The following LGSN variants were observed in gnomAD, a reference collection of about 807,000 sequenced individuals.
LGSN encodes lengsin, lens protein with glutamine synthetase domain, also known as lengsin.
A neutral mutation model predicts 19.5 loss-of-function variants in LGSN; 21 were observed. The ratio of observed to expected loss-of-function variants is 1.07; its 90% CI spans 0.76 to 1.55. LGSN has a LOEUF of 1.55. LGSN is among the 40% of genes most tolerant of loss of function. The pLI is 0.00. For missense variants in LGSN, 673 were observed against 608.5 expected, an observed-to-expected ratio of 1.11 and a Z score of -1.12; for synonymous variants, 257 against 215.6, an observed-to-expected ratio of 1.19 and a Z score of -1.68.
At chr6:63,347,428 G>T in the LGSN span, among the ~76,000 whole-genome samples, 1,409 of 152,180 alleles carry the variant, frequency 9.3e-3, 12 homozygotes, top group African/African-American at 0.031. Context: ...TATTGATTTA[G>T]GTCTTCTTTG....
the LGSN span, among the ~76,000 whole-genome samples, chr6:63,407,963 A>T: frequency 6.6e-6 from 1 of 152,170 alleles, no homozygotes; most frequent in Non-Finnish European, 1.5e-5. Flanking sequence ...CTAGGAATCC[A>T]ACTTACAAGG....
At chr6:63,496,052 T>C in the LGSN span, among the ~76,000 whole-genome samples, 2 of 151,962 alleles carry the variant, frequency 1.3e-5, no homozygotes, top group Non-Finnish European at 2.9e-5. Flanking sequence ...TCAGCCTCCC[T>C]AGTAGCTGAG....
At chr6:63,498,998 T>G in the LGSN span, among the ~76,000 whole-genome samples, 1 of 152,134 alleles carries the variant, frequency 6.6e-6, no homozygotes, top group Non-Finnish European at 1.5e-5. Context: ...TACATTAAAT[T>G]ATCATATTGA....
At chr6:63,286,062 A>AGAG (rs1449511567) in intron 2 of LGSN, among the ~76,000 whole-genome samples, 6 of 152,258 alleles carry the variant, frequency 3.9e-5, no homozygotes. Context: ...TATGGAAATT[A>AGAG]GAACATATTT....
the LGSN span, among the ~76,000 whole-genome samples, chr6:63,330,012 C>T: frequency 6.6e-6 from 1 of 152,142 alleles, no homozygotes; most frequent in Non-Finnish European, 1.5e-5. Context: ...GTTAAACATA[C>T]CCGGGGCTCA....
the LGSN span, among the ~76,000 whole-genome samples, chr6:63,511,926 T>G: frequency 2.0e-5 from 3 of 152,120 alleles, no homozygotes; most frequent in Non-Finnish European, 4.4e-5. Flanking sequence ...AAAAAATTAA[T>G]AATTCCCTAG....
At chr6:63,378,039 A>T in the LGSN span, among the ~76,000 whole-genome samples, 1 of 151,486 alleles carries the variant, frequency 6.6e-6, no homozygotes, top group East Asian at 1.9e-4. Flanking sequence ...TTTTTGAAAA[A>T]AAAAAAAAAA....
chr6:63,489,289 T>A, the LGSN span, among the ~76,000 whole-genome samples: 3 of 152,206 alleles, frequency 2.0e-5, no homozygotes, highest in Admixed American at 1.3e-4. Flanking sequence ...CAATTTAAAT[T>A]TCTGCTGGAA....
At chr6:63,300,193 G>C (rs975984128) in intron 1 of LGSN, among the ~76,000 whole-genome samples, 1 of 152,182 alleles carries the variant, frequency 6.6e-6, no homozygotes, top group African/African-American at 2.4e-5. Context: ...GGATCCTCCA[G>C]ACATCCTTTT....
At chr6:63,290,704 C>T (rs375251500) in intron 2 of LGSN, among the ~76,000 whole-genome samples, 2 of 152,188 alleles carry the variant, frequency 1.3e-5, no homozygotes, top group Non-Finnish European at 2.9e-5. Context: ...ATATTTGCAA[C>T]CGTGTAGGCC....
At chr6:63,293,361 C>A (rs964105136) in intron 2 of LGSN, among the ~76,000 whole-genome samples, 1 of 152,180 alleles carries the variant, frequency 6.6e-6, no homozygotes, top group Non-Finnish European at 1.5e-5. Flanking sequence ...CCAATACACT[C>A]ATGTACCAAA....
the LGSN span, among the ~76,000 whole-genome samples, chr6:63,540,542 A>C: frequency 3.3e-5 from 5 of 151,908 alleles, no homozygotes; most frequent in Admixed American, 1.3e-4. Context: ...AATCGCTTGA[A>C]CCCAGGAGGC....
intron 1 of LGSN, among the ~76,000 whole-genome samples, chr6:63,300,627 C>G (rs1768146611): frequency 6.6e-6 from 1 of 152,232 alleles, no homozygotes; most frequent in South Asian, 2.1e-4. Flanking sequence ...GATCATGCCA[C>G]TGTACTCCAA....
chr6:63,512,980 C>T, the LGSN span, among the ~76,000 whole-genome samples: 1 of 152,186 alleles, frequency 6.6e-6, no homozygotes, highest in South Asian at 2.1e-4. Context: ...TCAGCAGCAA[C>T]TGACAGAATA....
In LGSN at chr6:63,280,292, A is replaced by G. The variant is rs1767243989; in HGVS notation, c.1259T>C (p.Leu420Pro). Residue 420 changes from leucine (L) to proline (P), a missense_variant, in exon 4 of 4, where the codon CTG (leucine) becomes CCG (proline). By Grantham distance (98) the Leu-to-Pro change is moderately conservative (BLOSUM62 -3). Transcript: ENST00000370657. ...GSATANPYLVLAATVAAGLDG... is the reference protein window; with the variant it reads ...GSATANPYLVPAATVAAGLDG... ...TAAGCCGGCAGCAACAGTTGCAGCC[A>G]GCACCAAGTAAGGGTTTGCTGTTGC... 6.2e-7 allele frequency: 1 copy of G among 1,614,144 alleles called. No individual in the cohort carries two copies. The highest frequency in any genetic ancestry group is 8.5e-7 in the Non-Finnish European group (1 of 1,180,058).
At chr6:63,326,771 C>T in the LGSN span, among the ~76,000 whole-genome samples, 1 of 152,356 alleles carries the variant, frequency 6.6e-6, no homozygotes, top group Admixed American at 6.5e-5. Context: ...AAGCCCACGC[C>T]CACCCAGAAC....
At chr6:63,287,911 A>G (rs748326851) in intron 2 of LGSN, among the ~76,000 whole-genome samples, 2 of 152,078 alleles carry the variant, frequency 1.3e-5, no homozygotes, top group African/African-American at 4.8e-5. Flanking sequence ...AATACATATT[A>G]TTTTAAAATA....
At chr6:63,402,810 T>A in the LGSN span, among the ~76,000 whole-genome samples, 3 of 151,986 alleles carry the variant, frequency 2.0e-5, no homozygotes, top group Non-Finnish European at 4.4e-5. Flanking sequence ...AAGATGAGAT[T>A]AACATTTAAA....
the LGSN span, among the ~76,000 whole-genome samples, chr6:63,519,795 A>G: frequency 6.6e-6 from 1 of 152,248 alleles, no homozygotes; most frequent in East Asian, 1.9e-4. Flanking sequence ...ATAAACCAAT[A>G]AGAAAATTAG....
Sources: gnomAD v4.1 joint callset for allele counts (sites outside exome capture counted in the v4.1 genomes callset) on GRCh38, gnomAD v4.1.1 for gene constraint, MANE v1.5 for transcripts, NCBI Gene and HGNC (gene_info 2026-07-23, HGNC 2026-07-21) for gene names.